Variants in HPSE2 observed in about 807,000 individuals in gnomAD.
HPSE2 encodes the protein heparanase 2 (inactive).
In HPSE2, 38 loss-of-function variants were observed where a neutral mutation model predicts 60.5. The observed-to-expected ratio is 0.63, with a 90% CI of 0.48 to 0.82. The LOEUF (loss-of-function observed/expected upper bound fraction) is 0.82, where lower values mean the gene tolerates loss of function less well. HPSE2 is among the 40% of genes least tolerant of loss of function. The pLI is 0.00. For synonymous variants in HPSE2, 295 were observed against 293.2 expected (o/e 1.01, Z -0.06); for missense variants, 713 against 740.4 (o/e 0.96, Z 0.43).
the HPSE2 span, among the ~76,000 whole-genome samples, chr10:99,258,753 A>G: frequency 6.6e-6 from 1 of 152,218 alleles, no homozygotes; most frequent in Non-Finnish European, 1.5e-5. Flanking sequence ...CAAAGATGCA[A>G]AGGTAGTTCA....
intron 3 of HPSE2, among the ~76,000 whole-genome samples, chr10:99,091,724 T>C (rs539008774): frequency 6.6e-6 from 1 of 152,308 alleles, no homozygotes; most frequent in East Asian, 1.9e-4. Context: ...TTTACTCTTT[T>C]ATGGGGGCAT....
intron 3 of HPSE2, among the ~76,000 whole-genome samples, chr10:98,920,626 T>TACC (rs1296550240): frequency 1.9e-4 from 29 of 152,152 alleles, no homozygotes; most frequent in Admixed American, 1.9e-3. Context: ...CCTAAAGACT[T>TACC]ACCCACCTCC....
intron 3 of HPSE2, among the ~76,000 whole-genome samples, chr10:98,975,829 G>T (rs1956071047): frequency 6.6e-6 from 1 of 152,078 alleles, no homozygotes; most frequent in Admixed American, 6.6e-5. Context: ...GACATCGGGG[G>T]TTCTTCAGAA....
chr10:99,054,012 A>C (rs1262815158), intron 3 of HPSE2, among the ~76,000 whole-genome samples: 1 of 151,820 alleles, frequency 6.6e-6, no homozygotes, highest in African/African-American at 2.4e-5. Context: ...CTAGGATTAT[A>C]GGCGTGAGCC....
At chr10:98,800,972 C>A (rs972529130) in intron 3 of HPSE2, among the ~76,000 whole-genome samples, 1 of 152,016 alleles carries the variant, frequency 6.6e-6, no homozygotes, top group Non-Finnish European at 1.5e-5. Flanking sequence ...TGCAAAAATC[C>A]TCAACAAAAT....
the HPSE2 span, among the ~76,000 whole-genome samples, chr10:99,258,599 T>G: frequency 6.6e-6 from 1 of 152,088 alleles, no homozygotes; most frequent in Non-Finnish European, 1.5e-5. Context: ...AAGGACAAAT[T>G]TGGGGCCAAC....
At chr10:99,068,471 C>G (rs943777839) in intron 3 of HPSE2, among the ~76,000 whole-genome samples, 1 of 152,092 alleles carries the variant, frequency 6.6e-6, no homozygotes, top group Non-Finnish European at 1.5e-5. Context: ...GGGAGAAGTT[C>G]CATTTATAAA....
chr10:98,742,792 TACAC>T (rs71009713), intron 4 of HPSE2, among the ~76,000 whole-genome samples: 11 of 147,238 alleles, frequency 7.5e-5, no homozygotes, highest in East Asian at 4.0e-4. Flanking sequence ...CACACATACA[TACAC>T]ACACACACAC....
chr10:99,174,503 A>C (rs1251858653), intron 2 of HPSE2, among the ~76,000 whole-genome samples: 1 of 152,162 alleles, frequency 6.6e-6, no homozygotes, highest in African/African-American at 2.4e-5. Context: ...TCTGTGCCCT[A>C]TCCTGCAAAG....
At chr10:98,484,785 A>AG (rs1941379781) in intron 10 of HPSE2, among the ~76,000 whole-genome samples, 1 of 152,256 alleles carries the variant, frequency 6.6e-6, no homozygotes, top group Admixed American at 6.5e-5. Flanking sequence ...TAAGATCTTC[A>AG]GAAGTCTGAG....
At chr10:99,213,894 C>T (rs7081536) in intron 2 of HPSE2, among the ~76,000 whole-genome samples, 1 of 152,246 alleles carries the variant, frequency 6.6e-6, no homozygotes, top group Admixed American at 6.5e-5. Flanking sequence ...GTTCTTGAAA[C>T]GACATGCTCA....
At chr10:99,101,553 C>T (rs1486083190) in intron 3 of HPSE2, among the ~76,000 whole-genome samples, 2 of 152,170 alleles carry the variant, frequency 1.3e-5, no homozygotes, top group Non-Finnish European at 2.9e-5. Flanking sequence ...AACTTTAACA[C>T]CCCACTGTCA....
intron 3 of HPSE2, among the ~76,000 whole-genome samples, chr10:99,098,779 T>G (rs1347636576): frequency 6.6e-6 from 1 of 152,212 alleles, no homozygotes; most frequent in African/African-American, 2.4e-5. Context: ...TAACAGGGTT[T>G]GGGTTCAATT....
the HPSE2 span, among the ~76,000 whole-genome samples, chr10:99,299,393 G>T: frequency 7.9e-5 from 12 of 152,344 alleles, no homozygotes; most frequent in South Asian, 2.5e-3. Context: ...TCCCATGTTT[G>T]ATTTGGCTTT....
intron 9 of HPSE2, among the ~76,000 whole-genome samples, chr10:98,518,321 G>A (rs1264261358): frequency 6.6e-6 from 1 of 152,172 alleles, no homozygotes; most frequent in African/African-American, 2.4e-5. Flanking sequence ...TTAGAAGTTA[G>A]ATGTGGATTC....
the HPSE2 span, among the ~76,000 whole-genome samples, chr10:99,305,979 G>GCGCGCGCGCGCGTGCACACACACACACA: frequency 1.2e-5 from 1 of 80,580 alleles, no homozygotes; most frequent in Non-Finnish European, 2.4e-5. Flanking sequence ...GCGCGCGCGC[G>GCGCGCGCGCGCGTGCACACACACACACA]CACACACACA....
chr10:98,465,982 C>G (rs1213254176), intron 11 of HPSE2, among the ~76,000 whole-genome samples: 1 of 152,190 alleles, frequency 6.6e-6, no homozygotes, highest in Non-Finnish European at 1.5e-5. Flanking sequence ...GTCAAGCCCT[C>G]TGCTCCCCAG....
At chr10:99,099,772 T>C (rs1843873761) in intron 3 of HPSE2, among the ~76,000 whole-genome samples, 1 of 152,142 alleles carries the variant, frequency 6.6e-6, no homozygotes, top group Non-Finnish European at 1.5e-5. Flanking sequence ...CTCACACGGC[T>C]GGGTATCCCT....
At chr10:99,152,427 A>G (rs1269111020) in intron 2 of HPSE2, among the ~76,000 whole-genome samples, 1 of 152,184 alleles carries the variant, frequency 6.6e-6, no homozygotes, top group Non-Finnish European at 1.5e-5. Context: ...TAACTCAGAT[A>G]CACAGGAAGA....
Sources: allele counts gnomAD v4.1 joint callset (sites outside exome capture counted in the v4.1 genomes callset), GRCh38; gene constraint gnomAD v4.1.1; transcripts MANE v1.5; gene names NCBI Gene and HGNC (gene_info 2026-07-23, HGNC 2026-07-21).